CDH3: variants seen among roughly 807,000 people sequenced by gnomAD.
The protein encoded by CDH3 is cadherin 3.
A neutral mutation model predicts 82.0 loss-of-function variants in CDH3; 54 were observed. That is an observed-to-expected ratio of 0.66 (90% confidence interval 0.53 to 0.83). The LOEUF (loss-of-function observed/expected upper bound fraction) is 0.83, where lower values mean the gene tolerates loss of function less well. Among genes scored for constraint, CDH3 ranks in the 40% least tolerant of loss-of-function variants. The pLI, the probability that CDH3 is intolerant of heterozygous loss-of-function variation, is 0.00. For synonymous variants in CDH3, 446 were observed against 437.9 expected, an observed-to-expected ratio of 1.02 and a Z score of -0.23; for missense variants, 1,054 against 1,084.6, an observed-to-expected ratio of 0.97 and a Z score of 0.40.
downstream of CDH3, among the ~76,000 whole-genome samples, chr16:68,702,426 C>T (rs536016322): frequency 9.9e-5 from 15 of 152,230 alleles, no homozygotes; most frequent in South Asian, 6.2e-4. Context: ...ATCGTGGTCC[C>T]GGTTGAGATC....
Position 68,720,618 on chromosome 16 carries a change from C to CT in CDH3, c.100-1792dup, listed in dbSNP as rs5817649. On this transcript the variant is annotated intron_variant, in intron 1 of 2. Transcript: ENST00000569080. ...GTGTTTTAAATGTTCTTTATTAAGTCTTTTTTTTTTTTTTTGAGATGGAGT... is the reference window on the plus strand; with the variant it reads ...GTGTTTTAAATGTTCTTTATTAAGTCTTTTTTTTTTTTTTTTGAGATGGAGT... 1.6e-4 allele frequency among the ~76,000 whole-genome samples: 22 copies of CT among 135,980 alleles called. 1 individual carries two copies. Among genetic ancestry groups the CT allele is most frequent in the South Asian group, 7.2e-4 (3 of 4,186 alleles). The allele number at this position is 135,980 out of a possible 152,430, so 89.2% of individuals were successfully genotyped here. A position where few individuals can be genotyped will look rare whatever the true frequency, so the allele number is the denominator to read the frequency against.
At position 68,707,165 on chromosome 16, in the gene CDH3, G is replaced by T. The variant is rs1179443550; in HGVS notation, c.99+11242G>T. ...CCTGTCTACATAAAAGGAATGGCAA[G>T]GGCTAAGGGTTTAGCAGGTTTCAGC... On this transcript the variant is annotated intron_variant, in intron 1 of 2. Transcript: ENST00000569080. This position sits in a 1 kb window ranked among gnomAD's most constrained non-coding sequence, Gnocchi z 4.5. Among the ~76,000 whole-genome samples, 2 of 152,172 alleles carry T rather than the reference G, an allele frequency of 1.3e-5. No individual in the cohort carries two copies. Among genetic ancestry groups the T allele is most frequent in the Admixed American group, 1.3e-4 (2 of 15,272 alleles).
chr16:68,716,302 G>T, intron 1 of CDH3, among the ~76,000 whole-genome samples: 1 of 151,644 alleles, frequency 6.6e-6, no homozygotes, highest in Non-Finnish European at 1.5e-5. Context: ...CATTCAAATC[G>T]TGGAAAATCA....
At chr16:68,703,399 G>A (rs1039019655), downstream of CDH3, among the ~76,000 whole-genome samples, 4 of 152,204 alleles carry the variant, frequency 2.6e-5, no homozygotes, top group Non-Finnish European at 5.9e-5. Context: ...GCCCTGAGGC[G>A]ATGGGCCTGC....
chr16:68,728,851 T>G (rs115022667), downstream of CDH3, among the ~76,000 whole-genome samples: 1,094 of 152,290 alleles, frequency 7.2e-3, 13 homozygotes, highest in African/African-American at 0.025. Flanking sequence ...TCTTGCTTCC[T>G]GATACAATGC....
chr16:68,728,519 C>T (rs1962250531), downstream of CDH3, among the ~76,000 whole-genome samples: 1 of 151,956 alleles, frequency 6.6e-6, no homozygotes, highest in Admixed American at 6.6e-5. Context: ...TGATCTCGAA[C>T]TCCTGACCTC....
At chr16:68,715,914 CCT>C (rs974894172) in intron 1 of CDH3, among the ~76,000 whole-genome samples, 1 of 152,200 alleles carries the variant, frequency 6.6e-6, no homozygotes, top group African/African-American at 2.4e-5. Context: ...ATCTTAAAGA[CCT>C]GCCCATACAA....
At chr16:68,665,636 C>T (rs1960712643) in intron 2 of CDH3, among the ~76,000 whole-genome samples, 1 of 152,182 alleles carries the variant, frequency 6.6e-6, no homozygotes, top group Non-Finnish European at 1.5e-5. Context: ...ATTGTTACCA[C>T]AGCTGTCTCA....
rs752344762 is a variant in CDH3, at chr16:68,684,569, C to T, written c.1183-14C>T. 1 of 1,614,108 alleles carries T rather than the reference C, an allele frequency of 6.2e-7. No homozygotes were observed. The highest frequency in any genetic ancestry group is 2.2e-5 in the East Asian group (1 of 44,888). On this transcript the variant is annotated splice_polypyrimidine_tract_variant and intron_variant, in intron 9 of 15. Coordinates refer to ENST00000264012, the MANE Select transcript of CDH3 (RefSeq NM_001793.6). ...AAAATGGTGGTCCAGGTCCTTCTTC[C>T]TCTTCTCTCCTAGGGTTTGGATTTT...
chr16:68,697,878 T>G (rs1961776369), intron 15 of CDH3, among the ~76,000 whole-genome samples: 2 of 152,152 alleles, frequency 1.3e-5, no homozygotes, highest in South Asian at 4.1e-4. Context: ...ATTGTCATTT[T>G]ACAGACAAGG....
At chr16:68,651,895 G>C in intron 2 of CDH3, 1 of 439,390 alleles carries the variant, frequency 2.3e-6, no homozygotes, top group Admixed American at 2.8e-5. Context: ...GACAGGAGCC[G>C]GTTCTTGACC....
At chr16:68,667,086 C>T (rs1960753996) in intron 2 of CDH3, among the ~76,000 whole-genome samples, 2 of 152,146 alleles carry the variant, frequency 1.3e-5, no homozygotes, top group African/African-American at 4.8e-5. Flanking sequence ...ACCCGGTTCC[C>T]AACTGTGACA....
intron 1 of CDH3, among the ~76,000 whole-genome samples, chr16:68,708,538 C>G (rs1567462358): frequency 6.6e-6 from 1 of 152,198 alleles, no homozygotes; most frequent in Non-Finnish European, 1.5e-5. Context: ...GTCAGAGATG[C>G]CAGCCCTGAA....
downstream of CDH3, among the ~76,000 whole-genome samples, chr16:68,731,079 A>ATATATATATATATAT (rs1962281340): frequency 9.6e-6 from 1 of 103,898 alleles, no homozygotes; most frequent in African/African-American, 3.8e-5. Flanking sequence ...TATATATATA[A>ATATATATATATATAT]TTATAAAAAT....
At chr16:68,726,599 G>A (rs1198292787) in intron 2 of CDH3, among the ~76,000 whole-genome samples, 2 of 139,432 alleles carry the variant, frequency 1.4e-5, no homozygotes, top group African/African-American at 2.7e-5. Flanking sequence ...TTTTTTTTGA[G>A]ACAGAGTCTC....
chr16:68,722,821 T>A (rs1660753037), intron 2 of CDH3, among the ~76,000 whole-genome samples: 1 of 152,000 alleles, frequency 6.6e-6, no homozygotes, highest in South Asian at 2.1e-4. Context: ...CGGGTTTCGC[T>A]CTTGTTGCTC....
chr16:68,696,961 T>C (rs1219984414), intron 15 of CDH3: 1 of 150,864 alleles, frequency 6.6e-6, no homozygotes, highest in African/African-American at 2.4e-5. Context: ...ACATGCCTCT[T>C]ACATAGGCTT....
chr16:68,645,359 T>C lies in CDH3; in HGVS notation c.-21T>C, dbSNP rs763296153. On this transcript the variant is annotated 5_prime_UTR_variant, in exon 1 of 16. Coordinates refer to ENST00000264012, the MANE Select transcript of CDH3 (RefSeq NM_001793.6). ...ACCGGCCCGCCGTCGCGGCAGCTGC[T>C]TCACCCCTCTCTCTGCAGCCATGGG... 3 of 1,612,108 alleles carry C rather than the reference T, an allele frequency of 1.9e-6. No homozygotes were observed. The Admixed American group carries it at 5.0e-5, about 27-fold the overall frequency.
At position 68,656,144 on chromosome 16, in the gene CDH3, G is replaced by A. The variant is rs755646169; in HGVS notation, c.160+10394G>A. ...TGAGGCATAGGCAGGGTCCAGCCCC[G>A]CTTGAAATTTGTCTCACCCCATAAC... On this transcript the variant is annotated intron_variant, in intron 2 of 15. Coordinates refer to ENST00000264012, the MANE Select transcript of CDH3 (RefSeq NM_001793.6). 3.3e-5 allele frequency among the ~76,000 whole-genome samples: 5 copies of A among 152,118 alleles called. No homozygotes were observed. In the East Asian group the frequency reaches 5.8e-4, roughly 18 times the overall value.
Sources: gnomAD v4.1 joint callset for allele counts (sites outside exome capture counted in the v4.1 genomes callset) on GRCh38, gnomAD v4.1.1 for gene constraint, Gnocchi (gnomAD v3.1) non-coding constraint, MANE v1.5 for transcripts, NCBI Gene and HGNC (gene_info 2026-07-23, HGNC 2026-07-21) for gene names.